The following PENK variants were observed in gnomAD, a reference collection of about 807,000 sequenced individuals.
PENK encodes the protein proenkephalin-A.
In PENK, 25 loss-of-function variants were observed where a neutral mutation model predicts 24.1. That is an observed-to-expected ratio of 1.04 (90% CI 0.76 to 1.45). The LOEUF (loss-of-function observed/expected upper bound fraction) is 1.45. PENK is among the 40% of genes most tolerant of loss of function. PENK has a pLI of 0.00. For missense variants in PENK, 353 were observed against 337.9 expected (o/e 1.04, Z -0.35); for synonymous variants, 135 against 130.3 (o/e 1.04, Z -0.24).
rs1000405758 is a variant in PENK, at chr8:56,441,531, A to G, written c.545T>C (p.Val182Ala). 3.7e-6 allele frequency: 6 copies of G among 1,609,762 alleles called. No individual in the cohort carries two copies. Among genetic ancestry groups the G allele is most frequent in the Non-Finnish European group, 3.4e-6 (4 of 1,178,874 alleles). The stretch of plus-strand genomic sequence containing the variant: ...CATGAAGCCCCCATATCTCTTGCTC[A>G]CTTCTTCCTCATTATCACTGCCATC... Reference protein sequence around the residue: ...HQDGSDNEEEVSKRYGGFMRG... With the variant: ...HQDGSDNEEEASKRYGGFMRG... The change falls in exon 4 of 4, where the codon GTG becomes GCG. Residue 182 changes from valine to alanine, a missense_variant. Physicochemically the swap from Val to Ala is moderately conservative, Grantham distance 64 (BLOSUM62 0). Coordinates refer to ENST00000451791, the MANE Select transcript of PENK (RefSeq NM_001135690.3).
intron 3 of PENK, among the ~76,000 whole-genome samples, chr8:56,442,957 A>T (rs1013978210): frequency 2.0e-5 from 3 of 152,088 alleles, no homozygotes; most frequent in African/African-American, 7.2e-5. Flanking sequence ...AACATGCATG[A>T]TATTTCTTAG....
chr8:56,443,138 T>A (rs1035764347), intron 3 of PENK, among the ~76,000 whole-genome samples: 1 of 152,190 alleles, frequency 6.6e-6, no homozygotes, highest in Non-Finnish European at 1.5e-5. Flanking sequence ...TTAATGAGTA[T>A]TTAAGCTTCG....
intron 3 of PENK, among the ~76,000 whole-genome samples, chr8:56,444,245 A>T (rs533993148): frequency 6.6e-6 from 1 of 152,372 alleles, no homozygotes; most frequent in African/African-American, 2.4e-5. Context: ...TCGCTAACTC[A>T]CATAATTTAA....
In PENK at chr8:56,444,999, G is replaced by A. The variant is rs575580366; in HGVS notation, c.138+817C>T. ...GATTCGACAGCCCATGGGGAACCAT[G>A]ATCAGAATGAAAGTTATTTTGTCCT... On this transcript the variant is annotated intron_variant, in intron 3 of 3. Coordinates refer to ENST00000451791, the MANE Select transcript of PENK (RefSeq NM_001135690.3). 9.2e-5 allele frequency among the ~76,000 whole-genome samples: 14 copies of A among 152,328 alleles called. 1 individual carries two copies. In the South Asian group the frequency reaches 2.5e-3, roughly 27 times the overall value.
chr8:56,442,849 CATT>C (rs1428227733), intron 3 of PENK, among the ~76,000 whole-genome samples: 1 of 150,436 alleles, frequency 6.6e-6, no homozygotes, highest in East Asian at 2.0e-4. Flanking sequence ...AATATAAAAT[CATT>C]GTAAGTCTAT....
intron 3 of PENK, chr8:56,443,923 G>C: frequency 2.9e-6 from 2 of 699,146 alleles, no homozygotes; most frequent in Non-Finnish European, 5.2e-6. Context: ...CTGGATTAAA[G>C]TAATGATAAT....
Position 56,445,988 on chromosome 8 carries a change from C to T in PENK, c.-3-32G>A, listed in dbSNP as rs1804655789. The T allele has an allele frequency of 6.6e-6, 10 of 1,510,378 alleles. No homozygotes were observed. In the African/African-American group the frequency reaches 9.2e-5, roughly 14 times the overall value. The allele number at this position is 1,510,378 out of a possible 1,614,324, so 93.6% of individuals were successfully genotyped here. On this transcript the variant is annotated intron_variant, in intron 2 of 3. Coordinates refer to ENST00000451791, the MANE Select transcript of PENK (RefSeq NM_001135690.3). ...GGAGAGAGGGACGCGTGCTTCGAGC[C>T]TGCCTGGGCGCAGAACGGGGTCCCT...
Position 56,445,808 on chromosome 8 carries a change from A to T in PENK, c.138+8T>A. 1 of 1,613,320 alleles carries T rather than the reference A, an allele frequency of 6.2e-7. No individual in the cohort carries two copies. On this transcript the variant is annotated splice_region_variant and intron_variant, in intron 3 of 3. Transcript: ENST00000451791. ...AGGTGCGCAACACTCGCCGCGCGCA[A>T]CACTCACCAGGAAGTTGATGTCGGC...
Position 56,441,421 on chromosome 8 carries a change from G to A in PENK, c.655C>T (p.Arg219Cys), listed in dbSNP as rs578255165. 19 of 1,613,910 alleles carry A rather than the reference G, an allele frequency of 1.2e-5. No homozygotes were observed. Among genetic ancestry groups the A allele is most frequent in the South Asian group, 1.1e-5 (1 of 91,074 alleles). ...TGGTAGTCCATCCACCACTCTGGGC[G>A]ACCTACTCTTCTCATGAAGCCCCCA... ...RYGGFMRRVG[R>C]PEWWMDYQKR... Residue 219 changes from arginine to cysteine, a missense_variant, in exon 4 of 4, where the codon CGC becomes TGC. Physicochemically the swap from Arg to Cys is radical, Grantham distance 180. Coordinates refer to ENST00000451791, the MANE Select transcript of PENK (RefSeq NM_001135690.3).
At position 56,441,627 on chromosome 8, in the gene PENK, A is replaced by G; in HGVS notation, c.449T>C (p.Leu150Pro). 1 of 1,614,054 alleles carries G rather than the reference A, an allele frequency of 6.2e-7. No individual in the cohort carries two copies. The highest frequency in any genetic ancestry group is 8.5e-7 in the Non-Finnish European group (1 of 1,180,002). Residue 150 changes from leucine (L) to proline (P), a missense_variant, in exon 4 of 4, where the codon CTG becomes CCG. Leu to Pro is a moderately conservative substitution (Grantham distance 98). Transcript: ENST00000451791. ...TTTTAGCAGGTCTGAGGAATTGGCC[A>G]GCGAGTCGTCCTCCTCTGCATCCTT... ...MKKDAEEDDSLANSSDLLKEL... is the reference protein window; with the variant it reads ...MKKDAEEDDSPANSSDLLKEL...
At chr8:56,442,463 C>A (rs898619097) in intron 3 of PENK, among the ~76,000 whole-genome samples, 2 of 152,012 alleles carry the variant, frequency 1.3e-5, no homozygotes, top group African/African-American at 4.8e-5. Flanking sequence ...ATCGAGTATT[C>A]CTGCAAATAC....
chr8:56,445,837 G>A lies in PENK; in HGVS notation c.117C>T (p.Arg39=), dbSNP rs1023218194. ...DCATCSYRLV[R]PADINFLACV... is the part of the protein sequence containing the mutation. ...TCACCAGGAAGTTGATGTCGGCCGG[G>A]CGCACTAGGCGGTAGCTGCACGTCG... is the stretch of plus-strand genomic sequence containing the variant. The change falls in exon 3 of 4, where the codon CGC becomes CGT. Residue 39 remains arginine (R), a synonymous_variant. Transcript: ENST00000451791. The A allele has an allele frequency of 1.2e-6, 2 of 1,613,306 alleles. No homozygotes were observed. The highest frequency in any genetic ancestry group is 1.7e-6 in the Non-Finnish European group (2 of 1,179,930).
rs547553118 is a variant in PENK, at chr8:56,445,634, G to T, written c.138+182C>A. 44 of 738,302 alleles carry T rather than the reference G, an allele frequency of 6.0e-5. No homozygotes were observed. In the Admixed American group the frequency reaches 7.4e-4, roughly 12 times the overall value. The allele number at this position is 738,302 out of a possible 1,614,324, so 45.7% of individuals were successfully genotyped here. ...ATCCCCGAAGCTAAGAGCCAGGGCA[G>T]GACTTCAGTCAGTGTTCCAGGAACA... is the stretch of plus-strand genomic sequence containing the variant. On this transcript the variant is annotated intron_variant, in intron 3 of 3. Transcript: ENST00000451791.
At position 56,445,906 on chromosome 8, in the gene PENK, G is replaced by T. The variant is rs1009396812; in HGVS notation, c.48C>A (p.Pro16=). 3 of 1,612,380 alleles carry T rather than the reference G, an allele frequency of 1.9e-6. No individual in the cohort carries two copies. Among genetic ancestry groups the T allele is most frequent in the African/African-American group, 2.7e-5 (2 of 74,918 alleles). Residue 16 remains proline (P), a synonymous_variant, in exon 3 of 4, where the codon CCC becomes CCA. Coordinates refer to ENST00000451791, the MANE Select transcript of PENK (RefSeq NM_001135690.3). The part of the protein sequence containing the change: ...TLCTWLLLLG[P]GLLATVRAEC... ...CGGCCCGCACGGTCGCCAGGAGCCC[G>T]GGGCCGAGCAACAGCAGCCAAGTGC... is the stretch of plus-strand genomic sequence containing the variant.
At position 56,441,136 on chromosome 8, in the gene PENK, G is replaced by A. The variant is rs539425110; in HGVS notation, c.*136C>T. 1.5e-6 allele frequency: 1 copy of A among 673,892 alleles called. No individual in the cohort carries two copies. Among genetic ancestry groups the A allele is most frequent in the African/African-American group, 1.8e-5 (1 of 56,116 alleles). 41.7% of individuals were successfully genotyped at this position (673,892 alleles called of 1,614,324 possible). On this transcript the variant is annotated 3_prime_UTR_variant, in exon 4 of 4. Transcript: ENST00000451791. ...ACAGAACCTGAAATGACAGTTTTCAGGTTGTATAGTTATCCAGACAATGAA... is the reference window on the plus strand; with the variant it reads ...ACAGAACCTGAAATGACAGTTTTCAAGTTGTATAGTTATCCAGACAATGAA...
At chr8:56,442,323 G>C (rs190467969) in intron 3 of PENK, among the ~76,000 whole-genome samples, 1 of 152,224 alleles carries the variant, frequency 6.6e-6, no homozygotes, top group African/African-American at 2.4e-5. Context: ...CCAAAAAGGA[G>C]AAATTTTTAT....
At chr8:56,442,443 C>A (rs1309957905) in intron 3 of PENK, among the ~76,000 whole-genome samples, 1 of 151,892 alleles carries the variant, frequency 6.6e-6, no homozygotes, top group Non-Finnish European at 1.5e-5. Context: ...AATATTTTAC[C>A]TAAAATGGTA....
At position 56,441,685 on chromosome 8, in the gene PENK, T is replaced by C. The variant is rs1157547173; in HGVS notation, c.391A>G (p.Ile131Val). 5.6e-6 allele frequency: 9 copies of C among 1,613,504 alleles called. No homozygotes were observed. Among genetic ancestry groups the C allele is most frequent in the Non-Finnish European group, 7.6e-6 (9 of 1,179,866 alleles). ...EPEEEANGSE[I>V]LAKRYGGFMK... ...AAGCCCCCATACCGCTTGGCGAGGATCTCACTTCCATTGGCCTCTTCTTCT... is the reference window on the plus strand; with the variant it reads ...AAGCCCCCATACCGCTTGGCGAGGACCTCACTTCCATTGGCCTCTTCTTCT... Residue 131 changes from isoleucine (I) to valine (V), a missense_variant, in exon 4 of 4, where the codon ATC becomes GTC. Ile to Val is a conservative substitution (Grantham distance 29). Transcript: ENST00000451791.
rs1804670195 is a variant in PENK at position 56,446,590 on chromosome 8, T to A, written c.-81A>T. ...TCACCGTCGCGGTCCTCAGCGTCTC[T>A]GCGGGGTCACGGGCCAGGCTGCGGG... On this transcript the variant is annotated 5_prime_UTR_variant, in exon 1 of 4. Coordinates refer to ENST00000451791, the MANE Select transcript of PENK (RefSeq NM_001135690.3). 1 of 152,544 alleles carries A rather than the reference T, an allele frequency of 6.6e-6. No individual in the cohort carries two copies. 9.4% of individuals were successfully genotyped at this position (152,544 alleles called of 1,614,324 possible).
Sources: gnomAD v4.1 joint callset for allele counts (sites outside exome capture counted in the v4.1 genomes callset) on GRCh38, gnomAD v4.1.1 for gene constraint, MANE v1.5 for transcripts, NCBI Gene and HGNC (gene_info 2026-07-23, HGNC 2026-07-21) for gene names.